NBEA: variants seen among roughly 807,000 people sequenced by gnomAD.
NBEA encodes neurobeachin.
In NBEA, 44 loss-of-function variants were observed where a neutral mutation model predicts 343.4. The ratio of observed to expected loss-of-function variants is 0.13; its 90% confidence interval spans 0.10 to 0.16. NBEA has a LOEUF of 0.16. Ranked by LOEUF, NBEA falls within the 10% of genes least tolerant of loss-of-function variation. The pLI is 1.00. For missense variants in NBEA, 2,555 were observed against 3,631.3 expected (o/e 0.70, Z 7.62); for synonymous variants, 1,175 against 1,238.7 (o/e 0.95, Z 1.08).
At chr13:35,510,349 GC>G (rs2077230443) in intron 41 of NBEA, among the ~76,000 whole-genome samples, 1 of 152,148 alleles carries the variant, frequency 6.6e-6, no homozygotes, top group Non-Finnish European at 1.5e-5. Flanking sequence ...ACATAGTTTT[GC>G]ATTTTTGTAG....
chr13:35,145,090 ACAGGT>A (rs2152698673), intron 18 of NBEA, among the ~76,000 whole-genome samples: 1 of 152,340 alleles, frequency 6.6e-6, no homozygotes, highest in African/African-American at 2.4e-5. Context: ...TATAAGAACA[ACAGGT>A]GTGGTTTATT....
At chr13:35,589,406 T>G (rs2081426546) in intron 46 of NBEA, among the ~76,000 whole-genome samples, 1 of 152,264 alleles carries the variant, frequency 6.6e-6, no homozygotes, top group African/African-American at 2.4e-5. Context: ...AGAAAAATGC[T>G]TTGTAGCTGT....
chr13:35,385,662 C>T (rs1018496341), intron 38 of NBEA, among the ~76,000 whole-genome samples: 1 of 152,030 alleles, frequency 6.6e-6, no homozygotes, highest in African/African-American at 2.4e-5. Context: ...ATGATCACAT[C>T]GCTGCACTCC....
At chr13:35,521,974 C>A (rs552589255) in intron 41 of NBEA, among the ~76,000 whole-genome samples, 12 of 152,220 alleles carry the variant, frequency 7.9e-5, no homozygotes, top group African/African-American at 2.9e-4. Context: ...TAAATATGAA[C>A]CCATCAACAG....
chr13:34,944,061 GGTTTTGTTTT>G (rs749105230), intron 1 of NBEA, among the ~76,000 whole-genome samples: 3 of 152,118 alleles, frequency 2.0e-5, no homozygotes, highest in South Asian at 2.1e-4. Flanking sequence ...TGTAAATGGA[GGTTTTGTTTT>G]GTTTTGTTTT....
At chr13:35,338,060 TAGA>T (rs144351553) in intron 36 of NBEA, among the ~76,000 whole-genome samples, 4,519 of 151,538 alleles carry the variant, frequency 0.03, 102 homozygotes, top group Non-Finnish European at 0.045. Flanking sequence ...CAGGACAAAC[TAGA>T]AGAAGAGGAG....
chr13:35,229,857 T>A (rs2074872156), intron 33 of NBEA, among the ~76,000 whole-genome samples: 2 of 152,108 alleles, frequency 1.3e-5, no homozygotes, highest in South Asian at 4.1e-4. Context: ...TTGGAATACA[T>A]TGTGGGGAAT....
At chr13:35,080,487 A>T (rs1404558882) in intron 10 of NBEA, among the ~76,000 whole-genome samples, 1 of 152,160 alleles carries the variant, frequency 6.6e-6, no homozygotes, top group Non-Finnish European at 1.5e-5. Flanking sequence ...TAATTTCTAG[A>T]TATTCTTTAT....
At chr13:35,563,131 G>GGAGATAGATAGATAGATAGATA (rs2079945881) in intron 44 of NBEA, among the ~76,000 whole-genome samples, 2 of 108,242 alleles carry the variant, frequency 1.8e-5, no homozygotes, top group Non-Finnish European at 3.9e-5. Flanking sequence ...GTGTGTGTGT[G>GGAGATAGATAGATAGATAGATA]GAGATAGATA....
intron 1 of NBEA, among the ~76,000 whole-genome samples, chr13:35,016,097 T>A (rs186409384): frequency 6.6e-6 from 1 of 152,260 alleles, no homozygotes; most frequent in Non-Finnish European, 1.5e-5. Context: ...TCAAGTATTG[T>A]TTACAATTAG....
intron 47 of NBEA, among the ~76,000 whole-genome samples, chr13:35,602,988 C>T (rs2082121933): frequency 6.6e-6 from 1 of 152,180 alleles, no homozygotes; most frequent in African/African-American, 2.4e-5. Context: ...ACTTTAAAAT[C>T]AACTTTTTCT....
chr13:34,963,249 C>T (rs2059714677), intron 1 of NBEA, among the ~76,000 whole-genome samples: 1 of 151,976 alleles, frequency 6.6e-6, no homozygotes, highest in South Asian at 2.1e-4. Context: ...TTCTTCTGAA[C>T]CTTTCTCCTT....
intron 1 of NBEA, among the ~76,000 whole-genome samples, chr13:35,004,926 TA>T (rs1374687186): frequency 6.6e-6 from 1 of 152,224 alleles, no homozygotes; most frequent in Admixed American, 6.5e-5. Context: ...TCTTATTTTT[TA>T]AAAGCTTAGG....
intron 47 of NBEA, 45 bp from the exon 48 acceptor site, chr13:35,606,381 A>G (rs759778296): frequency 5.9e-6 from 7 of 1,182,912 alleles, no homozygotes; most frequent in Middle Eastern, 2.1e-4. Context: ...TATTCAACTG[A>G]TTTTTATAAA....
intron 38 of NBEA, among the ~76,000 whole-genome samples, chr13:35,353,169 C>T (rs997565761): frequency 6.6e-6 from 1 of 152,162 alleles, no homozygotes; most frequent in Non-Finnish European, 1.5e-5. Flanking sequence ...GGTGCGATGG[C>T]TCACGCCTGT....
intron 8 of NBEA, among the ~76,000 whole-genome samples, chr13:35,063,978 T>C (rs1230871224): frequency 6.6e-6 from 1 of 151,966 alleles, no homozygotes; most frequent in Non-Finnish European, 1.5e-5. Context: ...TGTCATTTAC[T>C]GAGATGGGGA....
Position 35,389,111 on chromosome 13 carries a change from T to C in NBEA, c.6179+36788T>C, listed in dbSNP as rs560865907. 3.9e-5 allele frequency among the ~76,000 whole-genome samples: 6 copies of C among 152,166 alleles called. No individual in the cohort carries two copies. In the South Asian group the frequency reaches 1.0e-3, roughly 26 times the overall value. On this transcript the variant is annotated intron_variant, in intron 38 of 58. Transcript: ENST00000379939. ...ACTCTGACCACAGCTGGCCTCTTGC[T>C]GTTCACAGCCGAAAAGTGAAATCAA...
Position 35,118,302 on chromosome 13 carries a change from T to A in NBEA, c.2145+12T>A, listed in dbSNP as rs764365817. On this transcript the variant is annotated intron_variant, in intron 15 of 58. Coordinates refer to ENST00000379939, the MANE Select transcript of NBEA (RefSeq NM_001385012.1). Reference sequence around the variant, plus strand: ...TTACGATGCATGAGGTAGGACATGTTATGGGCCTTTTATTTTAATTATTTA... The same window carrying A: ...TTACGATGCATGAGGTAGGACATGTAATGGGCCTTTTATTTTAATTATTTA... 2 of 1,564,618 alleles carry A rather than the reference T, an allele frequency of 1.3e-6. No homozygotes were observed. The highest frequency in any genetic ancestry group is 2.7e-5 in the African/African-American group (2 of 73,414).
At chr13:35,272,774 T>A (rs935598273) in intron 34 of NBEA, among the ~76,000 whole-genome samples, 1 of 152,120 alleles carries the variant, frequency 6.6e-6, no homozygotes, top group Non-Finnish European at 1.5e-5. Flanking sequence ...CATTATATAA[T>A]GGTAAAGGGA....
Sources: allele counts gnomAD v4.1 joint callset (sites outside exome capture counted in the v4.1 genomes callset), GRCh38; gene constraint gnomAD v4.1.1; transcripts MANE v1.5; gene names NCBI Gene and HGNC (gene_info 2026-07-23, HGNC 2026-07-21).